SDHC: variants seen among roughly 807,000 people sequenced by gnomAD.
The protein encoded by SDHC is succinate dehydrogenase cytochrome b560 subunit, mitochondrial.
SDHC carries 11 observed loss-of-function variants against 22.6 expected under a neutral mutation model. The ratio of observed to expected loss-of-function variants is 0.49; its 90% CI spans 0.31 to 0.81. The LOEUF is 0.81. SDHC is among the 30% of genes least tolerant of loss of function. SDHC has a pLI of 0.05. For synonymous variants in SDHC, 80 were observed against 77.8 expected, an observed-to-expected ratio of 1.03 and a Z score of -0.15; for missense variants, 160 against 212.0, an observed-to-expected ratio of 0.75 and a Z score of 1.52.
At position 161,345,897 on chromosome 1, in the gene SDHC, C is replaced by T. The variant is rs190113051; in HGVS notation, c.241+5242C>T. Among the ~76,000 whole-genome samples, 272 of 152,194 alleles carry T rather than the reference C, an allele frequency of 1.8e-3. 1 individual carries two copies. The highest frequency in any genetic ancestry group is 6.5e-3 in the African/African-American group (268 of 41,522). On this transcript the variant is annotated intron_variant, in intron 4 of 5. Transcript: ENST00000367975. ...CTCAGCTCACTGCAGCCTCTGCCTC[C>T]AAGGTTCAAGCAATTCTTCTGCCTC...
rs1413031340 is a variant in SDHC at position 161,356,654 on chromosome 1, A to G, written c.242-23A>G. On this transcript the variant is annotated intron_variant, in intron 4 of 5. Coordinates refer to ENST00000367975, the MANE Select transcript of SDHC (RefSeq NM_003001.5). Reference sequence around the variant, plus strand: ...GTTGTAACTTATGAGCAGCTGTGACAAGCTACTTGGTTTTCTCCTCAGGGG... The same window carrying G: ...GTTGTAACTTATGAGCAGCTGTGACGAGCTACTTGGTTTTCTCCTCAGGGG... The G allele has an allele frequency of 3.1e-6, 5 of 1,613,192 alleles. No homozygotes were observed. The Admixed American group carries it at 8.3e-5, about 27-fold the overall frequency.
At chr1:161,349,885 G>C (rs1189131624) in intron 4 of SDHC, among the ~76,000 whole-genome samples, 1 of 152,062 alleles carries the variant, frequency 6.6e-6, no homozygotes, top group Admixed American at 6.6e-5. Context: ...CCACAAATTT[G>C]GATAATACCT....
At chr1:161,337,994 C>T (rs1288548495) in intron 3 of SDHC, among the ~76,000 whole-genome samples, 1 of 152,214 alleles carries the variant, frequency 6.6e-6, no homozygotes, top group Non-Finnish European at 1.5e-5. Context: ...TTGTTCATCC[C>T]AGTTAGGAGG....
At chr1:161,319,115 G>C (rs529268974) in intron 1 of SDHC, among the ~76,000 whole-genome samples, 1 of 152,278 alleles carries the variant, frequency 6.6e-6, no homozygotes, top group East Asian at 1.9e-4. Context: ...CAGCTACTCA[G>C]AAGGCTGAGG....
At chr1:161,335,950 A>G (rs986592440) in intron 3 of SDHC, among the ~76,000 whole-genome samples, 4 of 152,108 alleles carry the variant, frequency 2.6e-5, no homozygotes, top group Non-Finnish European at 5.9e-5. Flanking sequence ...CCAGCAAAGC[A>G]TCTTGAGCTC....
intron 4 of SDHC, among the ~76,000 whole-genome samples, chr1:161,349,592 A>G (rs1313964618): frequency 6.6e-6 from 1 of 152,266 alleles, no homozygotes; most frequent in Non-Finnish European, 1.5e-5. Context: ...TATTCTCTAG[A>G]AAAGCCAAAA....
At chr1:161,351,936 G>T (rs1672111409) in intron 4 of SDHC, among the ~76,000 whole-genome samples, 1 of 152,184 alleles carries the variant, frequency 6.6e-6, no homozygotes, top group Non-Finnish European at 1.5e-5. Flanking sequence ...ATGACTTCTG[G>T]AAGTGACAAT....
chr1:161,342,793 C>T (rs1486136188), intron 4 of SDHC, among the ~76,000 whole-genome samples: 1 of 152,172 alleles, frequency 6.6e-6, no homozygotes, highest in African/African-American at 2.4e-5. Flanking sequence ...CTGTGCCTGG[C>T]CCCTTGGTAT....
chr1:161,338,938 C>A (rs975959538), intron 3 of SDHC, among the ~76,000 whole-genome samples: 2 of 152,062 alleles, frequency 1.3e-5, no homozygotes, highest in African/African-American at 4.8e-5. Flanking sequence ...AAACTCCGCC[C>A]CCCGGATTCA....
Position 161,362,196 on chromosome 1 carries a change from G to GTCC in SDHC, c.406-132_406-131insCCT, listed in dbSNP as rs1672540014. ...AGAAGGGTAAAGGTGGGGCATAAGG[G>GTCC]TAGAAGCGCTTTTCTCTAGAATCAT... On this transcript the variant is annotated intron_variant, in intron 5 of 5. Transcript: ENST00000367975. 10 of 1,092,166 alleles carry GTCC rather than the reference G, an allele frequency of 9.2e-6. No individual in the cohort carries two copies. The South Asian group carries it at 1.2e-4, about 14-fold the overall frequency. The allele number at this position is 1,092,166 out of a possible 1,614,324, so 67.7% of individuals were successfully genotyped here. A position where few individuals can be genotyped will look rare whatever the true frequency, so the allele number is the denominator to read the frequency against.
Position 161,328,222 on chromosome 1 carries a change from G to A in SDHC, c.78-174G>A, listed in dbSNP as rs994948659. 7.2e-5 allele frequency among the ~76,000 whole-genome samples: 11 copies of A among 151,964 alleles called. No individual in the cohort carries two copies. In the East Asian group the frequency reaches 7.7e-4, roughly 11 times the overall value. Reference sequence around the variant, plus strand: ...TCTCCATGTTGGTCAGGCTGGTCTCGAACTTGTGACCTCAGGTGATCCGCC... The same window carrying A: ...TCTCCATGTTGGTCAGGCTGGTCTCAAACTTGTGACCTCAGGTGATCCGCC... On this transcript the variant is annotated intron_variant, in intron 2 of 5. Transcript: ENST00000367975.
At chr1:161,346,961 CAA>C (rs1671921911) in intron 4 of SDHC, among the ~76,000 whole-genome samples, 1 of 151,600 alleles carries the variant, frequency 6.6e-6, no homozygotes, top group Non-Finnish European at 1.5e-5. Flanking sequence ...GGAATAATAA[CAA>C]GAAAAAAAAA....
intron 3 of SDHC, among the ~76,000 whole-genome samples, chr1:161,337,988 T>C (rs59554543): frequency 0.011 from 1,668 of 152,378 alleles, 30 homozygotes; most frequent in African/African-American, 0.038. Flanking sequence ...ATAAAATTGT[T>C]CATCCCAGTT....
At position 161,357,150 on chromosome 1, in the gene SDHC, C is replaced by T. The variant is rs61447446; in HGVS notation, c.405+310C>T. ...CCATGTTGGCCAGGCTGGTCTCAAACTCCTGGCCTTAAGTGATCCGCCTGC... is the reference window on the plus strand; with the variant it reads ...CCATGTTGGCCAGGCTGGTCTCAAATTCCTGGCCTTAAGTGATCCGCCTGC... On this transcript the variant is annotated intron_variant, in intron 5 of 5. Coordinates refer to ENST00000367975, the MANE Select transcript of SDHC (RefSeq NM_003001.5). Among the ~76,000 whole-genome samples the T allele has an allele frequency of 0.12, 17,754 of 151,996 alleles. 1,393 individuals carry two copies. Among genetic ancestry groups the T allele is most frequent in the African/African-American group, 0.22 (8,937 of 41,426 alleles).
At chr1:161,335,889 G>A (rs1401904365) in intron 3 of SDHC, among the ~76,000 whole-genome samples, 1 of 152,102 alleles carries the variant, frequency 6.6e-6, no homozygotes, top group African/African-American at 2.4e-5. Context: ...TTTTGCTGAT[G>A]TCTTTGAAGA....
intron 4 of SDHC, among the ~76,000 whole-genome samples, chr1:161,342,932 G>A (rs545865334): frequency 3.3e-5 from 5 of 152,236 alleles, no homozygotes; most frequent in East Asian, 1.9e-4. Flanking sequence ...CCTCCATCGC[G>A]TCTCTTTTGT....
In SDHC at chr1:161,340,615, G is replaced by A. The variant is rs1671685851; in HGVS notation, c.201G>A (p.Met67Ile). The change falls in exon 4 of 6, where the codon ATG (methionine) becomes ATA (isoleucine). Residue 67 changes from methionine (M) to isoleucine (I), a missense_variant. Physicochemically the swap from Met to Ile is conservative, Grantham distance 10 (BLOSUM62 1). Transcript: ENST00000367975. ...ACAGTTGGTCTCTTCCCATGGCGAT[G>A]TCCATCTGCCACCGTGGCACTGGTA... ...TIYSWSLPMA[M>I]SICHRGTGIA... The A allele has an allele frequency of 6.2e-7, 1 of 1,613,794 alleles. No individual in the cohort carries two copies. Among genetic ancestry groups the A allele is most frequent in the Admixed American group, 1.7e-5 (1 of 60,002 alleles).
intron 1 of SDHC, among the ~76,000 whole-genome samples, chr1:161,323,093 G>A (rs1449861113): frequency 2.6e-5 from 4 of 152,034 alleles, no homozygotes; most frequent in Non-Finnish European, 5.9e-5. Flanking sequence ...CCATGTCCCA[G>A]GTTCACGCCA....
chr1:161,317,546 T>TG (rs1285529157), intron 1 of SDHC, among the ~76,000 whole-genome samples: 1 of 138,188 alleles, frequency 7.2e-6, no homozygotes, highest in African/African-American at 2.8e-5. Context: ...TGTGTGTGTG[T>TG]GTGGTTTTTT....
Sources: allele counts gnomAD v4.1 joint callset (sites outside exome capture counted in the v4.1 genomes callset), GRCh38; gene constraint gnomAD v4.1.1; transcripts MANE v1.5; gene names NCBI Gene and HGNC (gene_info 2026-07-23, HGNC 2026-07-21).